DAGLA: variants seen among roughly 807,000 people sequenced by gnomAD.
The protein encoded by DAGLA is diacylglycerol lipase-alpha.
DAGLA carries 22 observed loss-of-function variants against 102.6 expected under a neutral mutation model. That is an observed-to-expected ratio of 0.21 (90% CI 0.15 to 0.31). DAGLA has a LOEUF of 0.31. DAGLA is among the 10% of genes least tolerant of loss of function. The pLI, the probability that DAGLA is intolerant of heterozygous loss-of-function variation, is 1.00. For missense variants in DAGLA, 927 were observed against 1,446.6 expected (o/e 0.64, Z 5.83); for synonymous variants, 578 against 628.9 (o/e 0.92, Z 1.21).
intron 1 of DAGLA, among the ~76,000 whole-genome samples, chr11:61,698,709 TTGAGCAGC>T (rs1427497611): frequency 6.6e-6 from 1 of 152,214 alleles, no homozygotes; most frequent in Non-Finnish European, 1.5e-5. Flanking sequence ...CTGACATTTC[TTGAGCAGC>T]TGCTAGGCAC....
At chr11:61,708,379 T>C (rs567446001) in intron 1 of DAGLA, among the ~76,000 whole-genome samples, 174 of 151,616 alleles carry the variant, frequency 1.1e-3, no homozygotes, top group African/African-American at 3.9e-3. Context: ...TTCAACACTT[T>C]ACAACTTTTT....
intron 1 of DAGLA, among the ~76,000 whole-genome samples, chr11:61,705,893 C>T (rs1018137045): frequency 1.3e-5 from 2 of 152,376 alleles, no homozygotes; most frequent in African/African-American, 4.8e-5. Flanking sequence ...GAACCAAGCC[C>T]TGGCCATCTG....
chr11:61,735,526 G>C (rs200077059), intron 10 of DAGLA, 35 bp from the exon 11 acceptor site: 4 of 1,604,130 alleles, frequency 2.5e-6, no homozygotes, highest in Non-Finnish European at 3.4e-6. Flanking sequence ...GGCCCCACCA[G>C]GGCCGCTCAG....
chr11:61,725,357 G>C (rs754075793), intron 5 of DAGLA, among the ~76,000 whole-genome samples: 1 of 152,184 alleles, frequency 6.6e-6, no homozygotes, highest in Non-Finnish European at 1.5e-5. Context: ...GATGGGGTTG[G>C]GGGGTGAGAA....
chr11:61,735,815 A>G lies in DAGLA; in HGVS notation c.1289A>G (p.Lys430Arg), dbSNP rs1253911511. Residue 430 changes from lysine to arginine, a missense_variant and splice_region_variant, in exon 12 of 20, where the codon AAG (lysine) becomes AGG (arginine). Around this residue, in one of 4 missense-constraint regions of DAGLA, gnomAD observed 218 missense variants for 459.6 expected, o/e 0.47. Transcript: ENST00000257215. ...CACCACGGCACCTGGCTGGGCCACA[A>G]GGTAACCCACGTCATGGACCCCAGG... ...EGHHGTWLGH[K>R]GMVLSAEYIK... 1.2e-6 allele frequency: 2 copies of G among 1,608,918 alleles called. No individual in the cohort carries two copies. Among genetic ancestry groups the G allele is most frequent in the East Asian group, 4.5e-5 (2 of 44,668 alleles).
rs973553494 is a variant in DAGLA, at chr11:61,730,071, A to G, written c.849+1063A>G. Among the ~76,000 whole-genome samples, 8 of 151,902 alleles carry G rather than the reference A, an allele frequency of 5.3e-5. No individual in the cohort carries two copies. The South Asian group carries it at 1.7e-3, about 32-fold the overall frequency. On this transcript the variant is annotated intron_variant, in intron 8 of 19. Transcript: ENST00000257215. The stretch of plus-strand genomic sequence containing the variant: ...CACTGTCCCTTAAAAAGAAGAAAAA[A>G]AAAAAACCAACACTCAGTCCTCTAG...
intron 6 of DAGLA, among the ~76,000 whole-genome samples, chr11:61,726,633 C>T (rs1371551698): frequency 6.6e-6 from 1 of 152,230 alleles, no homozygotes; most frequent in Non-Finnish European, 1.5e-5. Flanking sequence ...CCGCAGCGGG[C>T]AGGGACCTTA....
chr11:61,711,022 C>T (rs929044486), intron 1 of DAGLA, among the ~76,000 whole-genome samples: 6 of 152,200 alleles, frequency 3.9e-5, no homozygotes, highest in Non-Finnish European at 7.3e-5. Flanking sequence ...AGGCAGGCCT[C>T]GGTCAGCTCA....
In DAGLA at chr11:61,741,360, G is replaced by A; in HGVS notation, c.2171+11G>A. 6.3e-7 allele frequency: 1 copy of A among 1,599,814 alleles called. No individual in the cohort carries two copies. The highest frequency in any genetic ancestry group is 8.5e-7 in the Non-Finnish European group (1 of 1,177,904). ...CAACAGCAGCGTCAGGTGAGCCTTG[G>A]CCACTCCCAGCCCCACCCCAGGGTG... is the stretch of plus-strand genomic sequence containing the variant. On this transcript the variant is annotated intron_variant, in intron 19 of 19. Coordinates refer to ENST00000257215, the MANE Select transcript of DAGLA (RefSeq NM_006133.3).
At chr11:61,703,915 G>T (rs1336989342) in intron 1 of DAGLA, among the ~76,000 whole-genome samples, 1 of 152,198 alleles carries the variant, frequency 6.6e-6, no homozygotes, top group African/African-American at 2.4e-5. Context: ...GCTTAAGTTT[G>T]AGGAGGAATG....
chr11:61,705,273 C>T (rs551007139), intron 1 of DAGLA, among the ~76,000 whole-genome samples: 4 of 152,206 alleles, frequency 2.6e-5, no homozygotes, highest in African/African-American at 9.6e-5. Flanking sequence ...CCTGTCTGTC[C>T]CCATTTTGTC....
intron 1 of DAGLA, among the ~76,000 whole-genome samples, chr11:61,718,373 C>T (rs942742381): frequency 3.9e-5 from 6 of 152,114 alleles, no homozygotes; most frequent in African/African-American, 9.7e-5. Context: ...CCCCTGAGCC[C>T]GACCCAGCGC....
intron 1 of DAGLA, among the ~76,000 whole-genome samples, chr11:61,713,741 G>A (rs1194415719): frequency 6.6e-6 from 1 of 152,186 alleles, no homozygotes; most frequent in Non-Finnish European, 1.5e-5. Flanking sequence ...GCTGGGGGGC[G>A]GGCCACCAGT....
At position 61,735,008 on chromosome 11, in the gene DAGLA, G is replaced by T; in HGVS notation, c.1128+6G>T. On this transcript the variant is annotated splice_donor_region_variant and intron_variant, in intron 10 of 19. Coordinates refer to ENST00000257215, the MANE Select transcript of DAGLA (RefSeq NM_006133.3). ...ATACCTCCTGCCATGATGCGGTGAG[G>T]CCGGGCAGGGCTGGGGCCTGGTGTC... is the stretch of plus-strand genomic sequence containing the variant. 6.2e-7 allele frequency: 1 copy of T among 1,611,816 alleles called. No individual in the cohort carries two copies.
intron 17 of DAGLA, 91 bp downstream of exon 17, chr11:61,739,752 G>C: frequency 7.5e-7 from 1 of 1,328,362 alleles, no homozygotes; most frequent in South Asian, 1.4e-5. Context: ...ATCACCGCTC[G>C]GGGCTGGGGG....
intron 1 of DAGLA, among the ~76,000 whole-genome samples, chr11:61,701,737 G>A (rs1190488153): frequency 6.6e-6 from 1 of 152,196 alleles, no homozygotes; most frequent in Non-Finnish European, 1.5e-5. Flanking sequence ...CCCCGAGCCT[G>A]CTGAGGTCAC....
chr11:61,715,131 T>G (rs1009574014), intron 1 of DAGLA, among the ~76,000 whole-genome samples: 15 of 152,180 alleles, frequency 9.9e-5, no homozygotes, highest in Non-Finnish European at 1.2e-4. Flanking sequence ...GCAGCCTGTT[T>G]TAGAGTGCAG....
At chr11:61,743,281 C>T (rs1202745316) in intron 19 of DAGLA, among the ~76,000 whole-genome samples, 1 of 149,742 alleles carries the variant, frequency 6.7e-6, no homozygotes, top group Non-Finnish European at 1.5e-5. Flanking sequence ...AGGAGAATGG[C>T]GTGAACCCAG....
intron 1 of DAGLA, among the ~76,000 whole-genome samples, chr11:61,712,998 G>C (rs1165901139): frequency 6.6e-6 from 1 of 152,170 alleles, no homozygotes; most frequent in Non-Finnish European, 1.5e-5. Flanking sequence ...CTGTAAAGTT[G>C]GGGTAATACC....
Sources: gnomAD v4.1 joint callset for allele counts (sites outside exome capture counted in the v4.1 genomes callset) on GRCh38, gnomAD v4.1.1 for gene constraint, gnomAD v4.1.1 regional missense constraint, MANE v1.5 for transcripts, NCBI Gene and HGNC (gene_info 2026-07-23, HGNC 2026-07-21) for gene names.